The following BACH2 variants were observed in gnomAD, a reference collection of about 807,000 sequenced individuals.
BACH2 encodes the protein transcription regulator protein BACH2.
A neutral mutation model predicts 61.8 loss-of-function variants in BACH2; 5 were observed. The observed-to-expected ratio is 0.08, with a 90% CI of 0.04 to 0.17. BACH2 has a LOEUF of 0.17. Ranked by LOEUF, BACH2 falls within the 10% of genes least tolerant of loss-of-function variation. BACH2 has a pLI of 1.00. For missense variants in BACH2, 824 were observed against 1,091.1 expected (o/e 0.76, Z 3.45); for synonymous variants, 446 against 440.1 (o/e 1.01, Z -0.17).
intron 1 of BACH2, among the ~76,000 whole-genome samples, chr6:90,296,057 G>C (rs1056806514): frequency 6.6e-6 from 1 of 151,968 alleles, no homozygotes; most frequent in East Asian, 2.0e-4. Context: ...GGGCCTCGCC[G>C]GGCCGGGGGC....
chr6:90,017,171 C>T (rs145046427), intron 5 of BACH2, among the ~76,000 whole-genome samples: 5 of 152,154 alleles, frequency 3.3e-5, no homozygotes, highest in Admixed American at 6.5e-5. Context: ...TTTGTCCCGT[C>T]GCTCACAAAT....
In BACH2 at chr6:90,196,769, T is replaced by C. The variant is rs1044324683; in HGVS notation, c.-162+9800A>G. Among the ~76,000 whole-genome samples, 7 of 152,294 alleles carry C rather than the reference T, an allele frequency of 4.6e-5. No individual in the cohort carries two copies. In the East Asian group the frequency reaches 1.4e-3, roughly 29 times the overall value. ...TATCTTAATTAATTGCTTATATTTA[T>C]ATTTAACTGAAACTAGCCTCAAGAT... is the stretch of plus-strand genomic sequence containing the variant. On this transcript the variant is annotated intron_variant, in intron 4 of 8. Coordinates refer to ENST00000257749, the MANE Select transcript of BACH2 (RefSeq NM_021813.4).
chr6:90,226,392 G>T (rs915800677), intron 3 of BACH2, among the ~76,000 whole-genome samples: 1 of 152,132 alleles, frequency 6.6e-6, no homozygotes, highest in African/African-American at 2.4e-5. Flanking sequence ...TTTAAAAACA[G>T]ACTCTGAGGG....
chr6:89,999,829 C>T (rs1023102800), intron 6 of BACH2, among the ~76,000 whole-genome samples: 1 of 152,104 alleles, frequency 6.6e-6, no homozygotes, highest in Non-Finnish European at 1.5e-5. Flanking sequence ...CTTTCAGAGG[C>T]CTTGTCATAA....
rs758434444 is a variant in BACH2, at chr6:89,951,767, A to C, written c.339T>G (p.Ala113=). The C allele has an allele frequency of 6.2e-7, 1 of 1,614,252 alleles. No homozygotes were observed. Among genetic ancestry groups the C allele is most frequent in the East Asian group, 2.2e-5 (1 of 44,888 alleles). The change falls in exon 7 of 9, where the codon GCT becomes GCG. Residue 113 remains alanine, a synonymous_variant. Transcript: ENST00000257749. The surrounding 1 kb of genome is among the most constrained non-coding windows in gnomAD (Gnocchi z 6.4). ...RENIREVIRC[A]EFLRMHNLED... is the part of the protein sequence containing the mutation. ...CCAGGTTGTGCATGCGCAGGAACTC[A>C]GCACAGCGGATGACCTCGCGGATGT... is the stretch of plus-strand genomic sequence containing the variant.
intron 4 of BACH2, among the ~76,000 whole-genome samples, chr6:90,133,529 T>TTATG (rs1784148308): frequency 6.7e-6 from 1 of 149,352 alleles, no homozygotes; most frequent in African/African-American, 2.6e-5. Context: ...TTATTTTATT[T>TTATG]TATTTATTTA....
In BACH2 at chr6:90,296,585, A is replaced by G. The variant is rs550993275; in HGVS notation, c.-551T>C. The G allele has an allele frequency of 6.6e-6, 1 of 151,658 alleles. No homozygotes were observed. The highest frequency in any genetic ancestry group is 2.0e-4 in the South Asian group (1 of 4,920). The allele number at this position is 151,658 out of a possible 1,614,324, so 9.4% of individuals were successfully genotyped here. On this transcript the variant is annotated 5_prime_UTR_variant, in exon 1 of 9. Coordinates refer to ENST00000257749, the MANE Select transcript of BACH2 (RefSeq NM_021813.4). ...GAGGTGGGCAGTTCGTGGGTCACCGAAAGCTCGCGGAGGGGACGCGCATCA... is the reference window on the plus strand; with the variant it reads ...GAGGTGGGCAGTTCGTGGGTCACCGGAAGCTCGCGGAGGGGACGCGCATCA...
At chr6:90,165,366 C>T (rs1355290482) in intron 4 of BACH2, among the ~76,000 whole-genome samples, 1 of 152,096 alleles carries the variant, frequency 6.6e-6, no homozygotes, top group African/African-American at 2.4e-5. Context: ...ATGTGAAGGA[C>T]CTCTTCAAGA....
At chr6:89,970,678 G>A (rs1775305905) in intron 6 of BACH2, among the ~76,000 whole-genome samples, 1 of 151,816 alleles carries the variant, frequency 6.6e-6, no homozygotes, top group Admixed American at 6.5e-5. Flanking sequence ...TGCAAACAAT[G>A]AAGAAGGAAA....
chr6:90,249,939 T>C (rs1770753805), intron 3 of BACH2, among the ~76,000 whole-genome samples: 1 of 152,162 alleles, frequency 6.6e-6, no homozygotes, highest in South Asian at 2.1e-4. Context: ...GGTGGTAGGT[T>C]TTTAAATGGG....
At chr6:90,103,029 A>ATATATATTTTTTTTTTTT in intron 4 of BACH2, among the ~76,000 whole-genome samples, 4 of 21,164 alleles carry the variant, frequency 1.9e-4, no homozygotes, top group African/African-American at 4.8e-4. Context: ...ATATATATAT[A>ATATATATTTTTTTTTTTT]TTTTTTTTTT....
At chr6:90,216,038 G>A (rs1446827776) in intron 3 of BACH2, among the ~76,000 whole-genome samples, 1 of 152,180 alleles carries the variant, frequency 6.6e-6, no homozygotes, top group Non-Finnish European at 1.5e-5. Flanking sequence ...AGCAAAGACA[G>A]CAAGAAATGC....
At chr6:90,277,066 TC>T (rs1334928371) in intron 1 of BACH2, among the ~76,000 whole-genome samples, 2 of 152,226 alleles carry the variant, frequency 1.3e-5, no homozygotes, top group Non-Finnish European at 2.9e-5. Context: ...GGTTTTCACT[TC>T]TTTTCTTGAA....
chr6:90,170,352 C>G (rs1359384654), intron 4 of BACH2, among the ~76,000 whole-genome samples: 2 of 152,200 alleles, frequency 1.3e-5, no homozygotes, highest in African/African-American at 4.8e-5. Context: ...TTTCAACATA[C>G]TATACACTTT....
At chr6:89,956,530 T>C (rs1472292919) in intron 6 of BACH2, among the ~76,000 whole-genome samples, 2 of 152,220 alleles carry the variant, frequency 1.3e-5, no homozygotes, top group African/African-American at 2.4e-5. Context: ...ATATCATCTC[T>C]CTGCTGAAAG....
At chr6:90,219,164 T>A (rs145674239) in intron 3 of BACH2, among the ~76,000 whole-genome samples, 19 of 152,316 alleles carry the variant, frequency 1.2e-4, no homozygotes, top group Admixed American at 3.3e-4. Flanking sequence ...CACTTCTCTG[T>A]TTAGAGCCAG....
chr6:90,113,075 C>T (rs1783244241), intron 4 of BACH2, among the ~76,000 whole-genome samples: 1 of 152,160 alleles, frequency 6.6e-6, no homozygotes, highest in South Asian at 2.1e-4. Flanking sequence ...TATAAATGCA[C>T]TCAACACAGG....
intron 5 of BACH2, among the ~76,000 whole-genome samples, chr6:90,058,955 C>T (rs1435267360): frequency 1.3e-5 from 2 of 152,176 alleles, no homozygotes; most frequent in Non-Finnish European, 2.9e-5. Context: ...CTTCCTTACA[C>T]CTTATACAAA....
In BACH2 at chr6:90,164,997, C is replaced by G. The variant is rs1235567183; in HGVS notation, c.-162+41572G>C. ...AAACTGGAAGCATTCCCTTTGAGAA[C>G]AGTCACAAGACAGGGATGCCCTGTC... On this transcript the variant is annotated intron_variant, in intron 4 of 8. Transcript: ENST00000257749. Among the ~76,000 whole-genome samples, 9 of 152,326 alleles carry G rather than the reference C, an allele frequency of 5.9e-5. No homozygotes were observed. The East Asian group carries it at 1.5e-3, about 26-fold the overall frequency.
Sources: allele counts gnomAD v4.1 joint callset (sites outside exome capture counted in the v4.1 genomes callset), GRCh38; gene constraint gnomAD v4.1.1; non-coding constraint Gnocchi (gnomAD v3.1); transcripts MANE v1.5; gene names NCBI Gene and HGNC (gene_info 2026-07-23, HGNC 2026-07-21).